The following FNBP1 variants were observed in gnomAD, a reference collection of about 807,000 sequenced individuals.
FNBP1 encodes the protein formin-binding protein 1.
Under a neutral mutation model 90.6 loss-of-function variants are expected in FNBP1, and 26 were observed. That is an observed-to-expected ratio of 0.29 (90% CI 0.21 to 0.40). The LOEUF is 0.40. FNBP1 is among the 10% of genes least tolerant of loss of function. FNBP1 has a pLI of 1.00. For missense variants in FNBP1, 635 were observed against 768.0 expected (o/e 0.83, Z 2.05); for synonymous variants, 260 against 265.2 (o/e 0.98, Z 0.19).
At chr9:130,026,883 T>C (rs566696597) in intron 1 of FNBP1, among the ~76,000 whole-genome samples, 2 of 151,906 alleles carry the variant, frequency 1.3e-5, no homozygotes, top group East Asian at 1.9e-4. Context: ...GAAAGATAGC[T>C]TGAGCCCAGG....
chr9:129,959,053 G>T (rs904679739), intron 4 of FNBP1, among the ~76,000 whole-genome samples: 1 of 133,738 alleles, frequency 7.5e-6, no homozygotes, highest in Non-Finnish European at 1.6e-5. Context: ...AACAAGAATA[G>T]TCATCACAGA....
intron 2 of FNBP1, among the ~76,000 whole-genome samples, chr9:129,992,172 AG>A (rs989868676): frequency 2.6e-5 from 4 of 152,242 alleles, no homozygotes; most frequent in African/African-American, 9.6e-5. Flanking sequence ...AGGCAGGGGA[AG>A]AGCAGGGGCC....
chr9:129,893,729 A>G (rs563492720), intron 16 of FNBP1, among the ~76,000 whole-genome samples: 1 of 150,902 alleles, frequency 6.6e-6, no homozygotes, highest in Non-Finnish European at 1.5e-5. Flanking sequence ...ATTCTGGCTA[A>G]CACGGTGAAA....
chr9:130,003,889 A>G (rs1049655800), intron 1 of FNBP1, among the ~76,000 whole-genome samples: 21 of 128,512 alleles, frequency 1.6e-4, no homozygotes, highest in Admixed American at 1.0e-3. Context: ...GCACCTCTGC[A>G]CTCCAGCCTG....
intron 1 of FNBP1, among the ~76,000 whole-genome samples, chr9:129,998,458 G>C (rs2131379079): frequency 6.6e-6 from 1 of 151,588 alleles, no homozygotes; most frequent in East Asian, 1.9e-4. Context: ...AGGTTGCAGT[G>C]AGCCAAGACG....
intron 4 of FNBP1, among the ~76,000 whole-genome samples, chr9:129,963,048 C>T (rs1352907958): frequency 6.6e-6 from 1 of 152,158 alleles, no homozygotes; most frequent in East Asian, 1.9e-4. Context: ...ACGCAGTTTG[C>T]TGAAGAGATG....
At chr9:129,911,888 C>T (rs565227602) in intron 11 of FNBP1, among the ~76,000 whole-genome samples, 50 of 149,280 alleles carry the variant, frequency 3.3e-4, no homozygotes, top group Middle Eastern at 3.5e-3. Context: ...GCCAAGATCA[C>T]GCCATTACAC....
At chr9:129,928,430 G>A (rs1415507438) in intron 7 of FNBP1, among the ~76,000 whole-genome samples, 2 of 151,468 alleles carry the variant, frequency 1.3e-5, no homozygotes, top group African/African-American at 4.9e-5. Context: ...AGGCCAAGGC[G>A]GGCGGATCAC....
chr9:129,946,584 G>A (rs536948942), intron 6 of FNBP1, among the ~76,000 whole-genome samples: 1 of 152,158 alleles, frequency 6.6e-6, no homozygotes, highest in African/African-American at 2.4e-5. Context: ...GGAAAACATC[G>A]GCTCATAAAT....
At chr9:130,043,379 C>A (rs2060006251), upstream of FNBP1, among the ~76,000 whole-genome samples, 1 of 152,090 alleles carries the variant, frequency 6.6e-6, no homozygotes, top group Non-Finnish European at 1.5e-5. Context: ...GTGTGAGGGA[C>A]GGCGGGACCC....
chr9:129,892,401 ACACACACACACACAC>A (rs2035198736), intron 16 of FNBP1, among the ~76,000 whole-genome samples: 2 of 147,106 alleles, frequency 1.4e-5, no homozygotes, highest in South Asian at 4.4e-4. Flanking sequence ...ACACACACAC[ACACACACACACACAC>A]AAAAAGGTTG....
chr9:129,976,445 A>G (rs2050321555), intron 4 of FNBP1, among the ~76,000 whole-genome samples: 2 of 152,196 alleles, frequency 1.3e-5, no homozygotes, highest in South Asian at 4.1e-4. Flanking sequence ...TTATTGGCAT[A>G]TTGTTGTTTT....
chr9:129,969,763 T>A lies in FNBP1; in HGVS notation c.345+8702A>T, dbSNP rs185955959. Among the ~76,000 whole-genome samples the A allele has an allele frequency of 2.4e-3, 365 of 151,532 alleles. 1 individual carries two copies. The highest frequency in any genetic ancestry group is 7.8e-3 in the African/African-American group (324 of 41,302). On this transcript the variant is annotated intron_variant, in intron 4 of 16. Coordinates refer to ENST00000446176, the MANE Select transcript of FNBP1 (RefSeq NM_015033.3). ...ATCCCTAAAAAAAATTAAAAAAAAATTTTTTTTTAAATCTAAAAACAAAAA... is the reference window on the plus strand; with the variant it reads ...ATCCCTAAAAAAAATTAAAAAAAAAATTTTTTTTAAATCTAAAAACAAAAA...
intron 16 of FNBP1, among the ~76,000 whole-genome samples, chr9:129,893,622 A>AAAAAAAAAAAAAAC (rs2035337574): frequency 7.8e-6 from 1 of 127,924 alleles, no homozygotes; most frequent in African/African-American, 3.0e-5. Flanking sequence ...CAAAAAAAAA[A>AAAAAAAAAAAAAAC]AAAAAAAAAA....
intron 1 of FNBP1, among the ~76,000 whole-genome samples, chr9:130,003,327 C>T (rs368977415): frequency 2.6e-5 from 4 of 151,896 alleles, no homozygotes; most frequent in African/African-American, 4.8e-5. Context: ...TATGGTGGCA[C>T]GCACCTGTAG....
Position 129,894,531 on chromosome 9 carries a change from C to T in FNBP1, c.1846+1307G>A, listed in dbSNP as rs76979808. 4.9e-3 allele frequency among the ~76,000 whole-genome samples: 743 copies of T among 152,236 alleles called. 4 individuals carry two copies. The highest frequency in any genetic ancestry group is 0.017 in the African/African-American group (713 of 41,536). ...AACAACAAAAAAACAAAAGCAAACC[C>T]CCAAAGTCTTTGAACAGCAATGTGC... On this transcript the variant is annotated intron_variant, in intron 16 of 16. Coordinates refer to ENST00000446176, the MANE Select transcript of FNBP1 (RefSeq NM_015033.3).
chr9:129,934,465 G>A (rs1433245584), intron 6 of FNBP1, among the ~76,000 whole-genome samples: 1 of 152,174 alleles, frequency 6.6e-6, no homozygotes, highest in Non-Finnish European at 1.5e-5. Context: ...TGTCCAACAG[G>A]AAGACAGAAT....
chr9:129,926,891 GAAAAAA>G (rs796179806), intron 8 of FNBP1, among the ~76,000 whole-genome samples: 1 of 88,614 alleles, frequency 1.1e-5, no homozygotes, highest in Non-Finnish European at 2.4e-5. Flanking sequence ...ATCTCAAAAA[GAAAAAA>G]AAAAAAAGAA....
chr9:129,965,530 C>G (rs982713265), intron 4 of FNBP1, among the ~76,000 whole-genome samples: 5 of 152,060 alleles, frequency 3.3e-5, no homozygotes, highest in African/African-American at 1.2e-4. Flanking sequence ...GATCTTTTAT[C>G]TGTTTTTCAA....
Sources: gnomAD v4.1 joint callset for allele counts (sites outside exome capture counted in the v4.1 genomes callset) on GRCh38, gnomAD v4.1.1 for gene constraint, MANE v1.5 for transcripts, NCBI Gene and HGNC (gene_info 2026-07-23, HGNC 2026-07-21) for gene names.